GSR: variants seen among roughly 807,000 people sequenced by gnomAD.
GSR encodes the protein glutathione reductase, mitochondrial.
GSR carries 48 observed loss-of-function variants against 56.5 expected under a neutral mutation model. The ratio of observed to expected loss-of-function variants is 0.85; its 90% CI spans 0.67 to 1.08. The LOEUF (loss-of-function observed/expected upper bound fraction) is 1.08. GSR is among the 50% of genes least tolerant of loss of function. The probability of loss-of-function intolerance (pLI) is 0.00; values close to 1 mark genes in which losing one functional copy is unlikely to be tolerated. For missense variants in GSR, 694 were observed against 703.3 expected (o/e 0.99, Z 0.15); for synonymous variants, 264 against 270.8 (o/e 0.97, Z 0.25).
At chr8:30,727,099 GAGAACCAGGATCTACATTTTTCA>G (rs546391809) in intron 1 of GSR, 1 of 161,554 alleles carries the variant, frequency 6.2e-6, no homozygotes, top group South Asian at 1.8e-4. Flanking sequence ...CTTGAAACGG[GAGAACCAGGATCTACATTTTTCA>G]AGAACCAGGA....
chr8:30,684,483 C>T (rs1023078507), intron 9 of GSR, among the ~76,000 whole-genome samples: 8 of 151,928 alleles, frequency 5.3e-5, no homozygotes, highest in Admixed American at 5.2e-4. Flanking sequence ...GAGACCCTGC[C>T]TCTGTTAGAA....
intron 1 of GSR, among the ~76,000 whole-genome samples, chr8:30,715,300 A>G (rs1439471297): frequency 1.3e-5 from 2 of 151,890 alleles, no homozygotes; most frequent in African/African-American, 4.8e-5. Context: ...CTCTAAAAAT[A>G]AATAATAATA....
At chr8:30,691,123 G>C (rs1157512070) in intron 8 of GSR, among the ~76,000 whole-genome samples, 1 of 151,764 alleles carries the variant, frequency 6.6e-6, no homozygotes, top group Non-Finnish European at 1.5e-5. Flanking sequence ...CCAGCACTTT[G>C]GGAGGGTGAG....
At chr8:30,711,816 A>T (rs1291759087) in intron 2 of GSR, among the ~76,000 whole-genome samples, 1 of 152,098 alleles carries the variant, frequency 6.6e-6, no homozygotes, top group Non-Finnish European at 1.5e-5. Context: ...CTGGGTGACA[A>T]GAACGAAACT....
intron 1 of GSR, among the ~76,000 whole-genome samples, chr8:30,716,813 T>C (rs951741842): frequency 3.3e-5 from 5 of 151,388 alleles, no homozygotes; most frequent in African/African-American, 1.2e-4. Flanking sequence ...TCTCAAAAAA[T>C]ACACATACAC....
intron 9 of GSR, among the ~76,000 whole-genome samples, chr8:30,686,649 G>T (rs549520573): frequency 2.6e-5 from 4 of 152,128 alleles, no homozygotes; most frequent in Admixed American, 2.6e-4. Context: ...GAGCCATGAT[G>T]GCACCACTGT....
At chr8:30,699,080 A>T (rs957972531) in intron 6 of GSR, among the ~76,000 whole-genome samples, 3 of 152,094 alleles carry the variant, frequency 2.0e-5, no homozygotes, top group African/African-American at 7.2e-5. Context: ...GAGGCCAGGA[A>T]TTCTAGACCA....
At chr8:30,716,459 A>G (rs967465070) in intron 1 of GSR, among the ~76,000 whole-genome samples, 1 of 152,206 alleles carries the variant, frequency 6.6e-6, no homozygotes, top group African/African-American at 2.4e-5. Flanking sequence ...TTAGAGGCCT[A>G]TTTACATGCC....
Position 30,710,382 on chromosome 8 carries a change from T to A in GSR, c.334-480A>T, listed in dbSNP as rs942937575. 5.9e-5 allele frequency among the ~76,000 whole-genome samples: 9 copies of A among 151,296 alleles called. No individual in the cohort carries two copies. In the South Asian group the frequency reaches 6.3e-4, roughly 11 times the overall value. ...CTTGCTAACTTAAAACATTTTTTTT[T>A]AAAGAGATAAGGGGAAAGCTATTAA... On this transcript the variant is annotated intron_variant, in intron 2 of 12. Transcript: ENST00000221130.
In GSR at chr8:30,684,169, T is replaced by C; in HGVS notation, c.1072A>G (p.Ile358Val). 1 of 1,606,950 alleles carries C rather than the reference T, an allele frequency of 6.2e-7. No individual in the cohort carries two copies. The highest frequency in any genetic ancestry group is 8.5e-7 in the Non-Finnish European group (1 of 1,173,398). ...GIQTDDKGHI[I>V]VDEFQNTNVK... ...TTGGTATTCTGGAATTCGTCTACGA[T>C]GATATGACCCTTGTCATCGGTTTGA... The change falls in exon 10 of 13, where the codon ATC becomes GTC. Residue 358 changes from isoleucine (I) to valine (V), a missense_variant. Physicochemically the swap from Ile to Val is conservative, Grantham distance 29. Coordinates refer to ENST00000221130, the MANE Select transcript of GSR (RefSeq NM_000637.5).
intron 2 of GSR, among the ~76,000 whole-genome samples, chr8:30,711,082 T>C (rs971041953): frequency 6.6e-6 from 1 of 152,110 alleles, no homozygotes; most frequent in African/African-American, 2.4e-5. Flanking sequence ...AGAAAAGTCT[T>C]CCTAAGACAG....
At chr8:30,715,362 G>A (rs1258211115) in intron 1 of GSR, among the ~76,000 whole-genome samples, 1 of 152,018 alleles carries the variant, frequency 6.6e-6, no homozygotes, top group African/African-American at 2.4e-5. Flanking sequence ...CCAAGCTGAG[G>A]ATATGCTACT....
intron 9 of GSR, chr8:30,687,712 A>C (rs577832739): frequency 8.5e-5 from 13 of 152,310 alleles, no homozygotes; most frequent in African/African-American, 3.1e-4. Flanking sequence ...ATGCACCTCA[A>C]ACATAAAATA....
intron 8 of GSR, among the ~76,000 whole-genome samples, chr8:30,692,557 A>G (rs559898731): frequency 4.1e-4 from 54 of 131,916 alleles, no homozygotes; most frequent in Middle Eastern, 4.8e-3. Flanking sequence ...GCTGGAGTGC[A>G]GTGGCACAAT....
chr8:30,689,050 GA>G (rs1236813508), intron 9 of GSR, 110 bp downstream of exon 9: 2 of 877,480 alleles, frequency 2.3e-6, no homozygotes, highest in African/African-American at 3.3e-5. Context: ...ATGGGAAAAA[GA>G]GAAAAGAATC....
intron 7 of GSR, 62 bp downstream of exon 7, chr8:30,696,318 A>C (rs1242923280): frequency 8.5e-7 from 1 of 1,170,954 alleles, no homozygotes; most frequent in African/African-American, 1.5e-5. Context: ...ACAACATAAG[A>C]AAAAATTCTT....
chr8:30,684,794 G>C (rs540271871), intron 9 of GSR, among the ~76,000 whole-genome samples: 40 of 152,120 alleles, frequency 2.6e-4, no homozygotes, highest in Middle Eastern at 3.4e-3. Context: ...CTGTTACCCA[G>C]GCTGGAGTGC....
Position 30,727,804 on chromosome 8 carries a change from C to A in GSR, c.32G>T (p.Gly11Val). 1 of 1,311,910 alleles carries A rather than the reference C, an allele frequency of 7.6e-7. No individual in the cohort carries two copies. The highest frequency in any genetic ancestry group is 2.1e-5 in the South Asian group (1 of 48,664). 81.3% of individuals were successfully genotyped at this position (1,311,910 alleles called of 1,614,324 possible). Reference sequence around the variant, plus strand: ...CGCCCGCCGCCAGCTCGGTCCCGCGCCGGCGCTCAGGGCTCGGGGCAGCAG... The same window carrying A: ...CGCCCGCCGCCAGCTCGGTCCCGCGACGGCGCTCAGGGCTCGGGGCAGCAG... MALLPRALSA[G>V]AGPSWRRAAR... is the part of the protein sequence containing the mutation. Residue 11 changes from glycine to valine, a missense_variant, in exon 1 of 13, where the codon GGC (glycine) becomes GTC (valine). Coordinates refer to ENST00000221130, the MANE Select transcript of GSR (RefSeq NM_000637.5).
chr8:30,705,223 CA>C, intron 4 of GSR, among the ~76,000 whole-genome samples: 1 of 151,420 alleles, frequency 6.6e-6, no homozygotes, highest in African/African-American at 2.4e-5. Context: ...TCCAGGAGTT[CA>C]AGATCAGCGT....
Sources: allele counts gnomAD v4.1 joint callset (sites outside exome capture counted in the v4.1 genomes callset), GRCh38; gene constraint gnomAD v4.1.1; transcripts MANE v1.5; gene names NCBI Gene and HGNC (gene_info 2026-07-23, HGNC 2026-07-21).